Variants in ASTN2 observed in about 807,000 individuals in gnomAD.
ASTN2 encodes astrotactin 2, also known as astrotactin-2.
Under a neutral mutation model 139.8 loss-of-function variants are expected in ASTN2, and 54 were observed. The observed-to-expected ratio is 0.39, with a 90% CI of 0.31 to 0.48. The LOEUF (loss-of-function observed/expected upper bound fraction) is 0.48. Ranked by LOEUF, ASTN2 falls within the 20% of genes least tolerant of loss-of-function variation. The pLI is 0.95. For synonymous variants in ASTN2, 756 were observed against 719.5 expected, an observed-to-expected ratio of 1.05 and a Z score of -0.81; for missense variants, 1,565 against 1,725.1, an observed-to-expected ratio of 0.91 and a Z score of 1.64.
At chr9:116,680,500 G>C (rs1440447649) in intron 16 of ASTN2, among the ~76,000 whole-genome samples, 2 of 152,160 alleles carry the variant, frequency 1.3e-5, no homozygotes, top group East Asian at 1.9e-4. Context: ...CAGAAAAAGA[G>C]GGAATCCTCC....
chr9:117,398,214 T>C (rs946770635), intron 1 of ASTN2, among the ~76,000 whole-genome samples: 2 of 152,204 alleles, frequency 1.3e-5, no homozygotes, highest in Non-Finnish European at 2.9e-5. Flanking sequence ...TTTGTAAAGC[T>C]GGCTTAATGT....
chr9:117,051,023 T>A (rs1327315367), intron 5 of ASTN2, among the ~76,000 whole-genome samples: 1 of 152,200 alleles, frequency 6.6e-6, no homozygotes, highest in Non-Finnish European at 1.5e-5. Context: ...GCCTTCACCA[T>A]TGCAACTCAC....
chr9:116,843,060 T>C (rs1358863385), intron 11 of ASTN2, among the ~76,000 whole-genome samples: 1 of 152,116 alleles, frequency 6.6e-6, no homozygotes, highest in Non-Finnish European at 1.5e-5. Flanking sequence ...ATCTTATGTA[T>C]CCTTCAGAGC....
chr9:117,158,306 T>A lies in ASTN2; in HGVS notation c.1016-16828A>T, dbSNP rs370297879. 1.1e-4 allele frequency among the ~76,000 whole-genome samples: 16 copies of A among 152,136 alleles called. No homozygotes were observed. In the East Asian group the frequency reaches 2.7e-3, roughly 26 times the overall value. ...AGGACATGCATTTAGAAAAGATATG[T>A]TTAGGGGTTAGAATGGGCAAGAATG... On this transcript the variant is annotated intron_variant, in intron 3 of 22. Transcript: ENST00000313400.
chr9:116,724,012 G>A (rs1213619448), intron 16 of ASTN2, among the ~76,000 whole-genome samples: 1 of 152,092 alleles, frequency 6.6e-6, no homozygotes, highest in South Asian at 2.1e-4. Flanking sequence ...CACCATACAA[G>A]GAATGGGATT....
Position 117,141,490 on chromosome 9 carries a change from C to T in ASTN2, c.1016-12G>A, listed in dbSNP as rs1830074567. On this transcript the variant is annotated splice_polypyrimidine_tract_variant and intron_variant, in intron 3 of 22. Coordinates refer to ENST00000313400, the MANE Select transcript of ASTN2 (RefSeq NM_001365068.1). ...CGCCTCAGCTGCTGCTATAAGGTAGCAATGGGGCTGAGGTTAGGGCTTGAG... is the reference window on the plus strand; with the variant it reads ...CGCCTCAGCTGCTGCTATAAGGTAGTAATGGGGCTGAGGTTAGGGCTTGAG... 1 of 1,366,036 alleles carries T rather than the reference C, an allele frequency of 7.3e-7. No homozygotes were observed. 84.6% of individuals were successfully genotyped at this position (1,366,036 alleles called of 1,614,324 possible).
chr9:117,028,354 A>T (rs569832481), intron 6 of ASTN2, among the ~76,000 whole-genome samples: 1 of 152,300 alleles, frequency 6.6e-6, no homozygotes, highest in South Asian at 2.1e-4. Flanking sequence ...TGGCTTACAT[A>T]ATCCAGAGGA....
At chr9:117,088,130 C>A (rs946558124) in intron 5 of ASTN2, among the ~76,000 whole-genome samples, 32 of 152,094 alleles carry the variant, frequency 2.1e-4, no homozygotes, top group African/African-American at 7.0e-4. Context: ...TGAAACGGAA[C>A]CTTGTTGCTT....
At chr9:117,365,781 C>T (rs1000709059) in intron 1 of ASTN2, among the ~76,000 whole-genome samples, 2 of 152,220 alleles carry the variant, frequency 1.3e-5, no homozygotes, top group African/African-American at 4.8e-5. Context: ...GCCCCAGGAG[C>T]ATCTGAGCTT....
chr9:116,456,219 T>A (rs1254976656), intron 20 of ASTN2, among the ~76,000 whole-genome samples: 4 of 151,646 alleles, frequency 2.6e-5, no homozygotes, highest in Admixed American at 1.3e-4. Context: ...TACATGCCAA[T>A]AATGAACAGT....
intron 13 of ASTN2, among the ~76,000 whole-genome samples, chr9:116,798,396 T>C (rs561310024): frequency 6.6e-6 from 1 of 152,334 alleles, no homozygotes; most frequent in Non-Finnish European, 1.5e-5. Flanking sequence ...AATGATGTAG[T>C]ATAGTTCTCA....
intron 20 of ASTN2, 143 bp from the exon 21 acceptor site, chr9:116,442,696 T>C: frequency 1.4e-6 from 1 of 697,452 alleles, no homozygotes; most frequent in South Asian, 1.7e-5. Flanking sequence ...AAAGCATTTA[T>C]TGAGCACTAA....
chr9:116,959,572 T>C (rs2132500615), intron 10 of ASTN2, among the ~76,000 whole-genome samples: 1 of 152,244 alleles, frequency 6.6e-6, no homozygotes, highest in Non-Finnish European at 1.5e-5. Flanking sequence ...AGGAGCCTGT[T>C]TGCTAAAGGT....
intron 17 of ASTN2, among the ~76,000 whole-genome samples, chr9:116,650,779 T>C (rs1399071532): frequency 1.3e-5 from 2 of 152,130 alleles, no homozygotes; most frequent in Non-Finnish European, 2.9e-5. Context: ...GCATGAGAGG[T>C]AAAAATGACA....
chr9:116,543,487 G>A (rs759712050), intron 19 of ASTN2, among the ~76,000 whole-genome samples: 15 of 151,578 alleles, frequency 9.9e-5, no homozygotes, highest in Non-Finnish European at 2.1e-4. Context: ...GTTGATCATG[G>A]TGTACAGTAG....
chr9:117,288,980 A>G (rs1050784355), intron 2 of ASTN2, among the ~76,000 whole-genome samples: 3 of 152,226 alleles, frequency 2.0e-5, no homozygotes, highest in African/African-American at 7.2e-5. Flanking sequence ...TCCTTGTTCT[A>G]TAAATGACAA....
chr9:116,917,611 AAGAAT>A (rs1228819791), intron 10 of ASTN2, among the ~76,000 whole-genome samples: 1 of 152,182 alleles, frequency 6.6e-6, no homozygotes, highest in Admixed American at 6.5e-5. Context: ...CCCTCTACAT[AAGAAT>A]CTGCAACTTG....
chr9:117,116,037 C>CGCATATATATATATATATAT (rs1554780015), intron 4 of ASTN2, among the ~76,000 whole-genome samples: 1 of 140,420 alleles, frequency 7.1e-6, no homozygotes, highest in Non-Finnish European at 1.5e-5. Context: ...AAAAAAAATG[C>CGCATATATATATATATATAT]ATATATATAT....
At chr9:116,658,071 A>T (rs897241199) in intron 16 of ASTN2, among the ~76,000 whole-genome samples, 2 of 151,936 alleles carry the variant, frequency 1.3e-5, no homozygotes, top group Non-Finnish European at 2.9e-5. Flanking sequence ...TTGCAAGAAG[A>T]GATTTAAGGA....
Sources: gnomAD v4.1 joint callset for allele counts (sites outside exome capture counted in the v4.1 genomes callset) on GRCh38, gnomAD v4.1.1 for gene constraint, MANE v1.5 for transcripts, NCBI Gene and HGNC (gene_info 2026-07-23, HGNC 2026-07-21) for gene names.